The following SLC44A5 variants were observed in gnomAD, a reference collection of about 807,000 sequenced individuals.
The protein encoded by SLC44A5 is choline transporter-like protein 5.
In SLC44A5, 57 loss-of-function variants were observed where a neutral mutation model predicts 101.8. The ratio of observed to expected loss-of-function variants is 0.56; its 90% CI spans 0.45 to 0.70. SLC44A5 has a LOEUF of 0.70. SLC44A5 is among the 30% of genes least tolerant of loss of function. SLC44A5 has a pLI of 0.00. For missense variants in SLC44A5, 737 were observed against 853.1 expected (o/e 0.86, Z 1.70); for synonymous variants, 281 against 290.9 (o/e 0.97, Z 0.35).
chr1:75,409,439 A>T (rs1022575984), intron 2 of SLC44A5, among the ~76,000 whole-genome samples: 1 of 152,212 alleles, frequency 6.6e-6, no homozygotes, highest in Non-Finnish European at 1.5e-5. Context: ...AAGAAAGGTG[A>T]TTGATTCAGA....
At chr1:75,698,711 CAGG>C in the SLC44A5 span, among the ~76,000 whole-genome samples, 1 of 152,082 alleles carries the variant, frequency 6.6e-6, no homozygotes, top group Admixed American at 6.5e-5. Context: ...CTCCGAGCTA[CAGG>C]AGGACACTCA....
chr1:75,618,702 C>T, the SLC44A5 span, among the ~76,000 whole-genome samples: 1 of 152,150 alleles, frequency 6.6e-6, no homozygotes. Context: ...TAAGATGTTA[C>T]TATACTGAAT....
intron 1 of SLC44A5, among the ~76,000 whole-genome samples, chr1:75,579,979 C>A (rs1372900429): frequency 1.3e-5 from 2 of 151,960 alleles, no homozygotes; most frequent in Non-Finnish European, 2.9e-5. Context: ...ATGTAAGGAG[C>A]AAGCATAGTA....
chr1:75,357,581 A>G (rs1189032676), intron 3 of SLC44A5, among the ~76,000 whole-genome samples: 1 of 152,170 alleles, frequency 6.6e-6, no homozygotes, highest in African/African-American at 2.4e-5. Context: ...TGAGGGAAAG[A>G]CAGCTCATAT....
At chr1:75,217,755 A>G in intron 18 of SLC44A5, 111 bp downstream of exon 18, 4 of 731,620 alleles carry the variant, frequency 5.5e-6, no homozygotes, top group South Asian at 3.1e-5. Context: ...ACGGGTCCCA[A>G]ATATGCCCTT....
In SLC44A5 at chr1:75,211,161, ATCTC is replaced by A. The variant is rs376275193; in HGVS notation, c.2047+303_2047+306del. Among the ~76,000 whole-genome samples the A allele has an allele frequency of 5.3e-5, 8 of 152,160 alleles. No homozygotes were observed. The South Asian group carries it at 1.7e-3, about 32-fold the overall frequency. On this transcript the variant is annotated intron_variant, in intron 23 of 23. Transcript: ENST00000370859. The stretch of plus-strand genomic sequence containing the variant: ...TGAAAGTTTGTACCCTTTGACCAAC[ATCTC>A]TCTATTTTACTGACCCCTCAATCTC...
chr1:75,534,872 A>G (rs1203007374), intron 2 of SLC44A5, among the ~76,000 whole-genome samples: 2 of 152,210 alleles, frequency 1.3e-5, no homozygotes, highest in Non-Finnish European at 2.9e-5. Context: ...ACTTTAATAT[A>G]ATGACCATTC....
At position 75,532,827 on chromosome 1, in the gene SLC44A5, C is replaced by T. The variant is rs368759106; in HGVS notation, c.13+8608G>A. Among the ~76,000 whole-genome samples, 509 of 152,170 alleles carry T rather than the reference C, an allele frequency of 3.3e-3. 7 individuals carry two copies. Among genetic ancestry groups the T allele is most frequent in the African/African-American group, 0.012 (492 of 41,518 alleles). On this transcript the variant is annotated intron_variant, in intron 2 of 23. Transcript: ENST00000370859. ...GGCCAAGGTGGGCAGATAGCCTGAGCTCAAGAGTTCGAGACAAGCCTGGGC... is the reference window on the plus strand; with the variant it reads ...GGCCAAGGTGGGCAGATAGCCTGAGTTCAAGAGTTCGAGACAAGCCTGGGC...
chr1:75,682,913 AAAAC>A, the SLC44A5 span, among the ~76,000 whole-genome samples: 15 of 152,324 alleles, frequency 9.8e-5, no homozygotes, highest in African/African-American at 2.9e-4. Context: ...TAACAAGAAA[AAAAC>A]AAACAACCCC....
At chr1:75,343,223 T>C (rs1247109470) in intron 3 of SLC44A5, among the ~76,000 whole-genome samples, 45 of 152,210 alleles carry the variant, frequency 3.0e-4, no homozygotes, top group Admixed American at 2.9e-3. Flanking sequence ...TCACCAAGTT[T>C]ATTGTCTTGC....
chr1:75,426,920 C>T (rs1026859274), intron 2 of SLC44A5, among the ~76,000 whole-genome samples: 2 of 152,330 alleles, frequency 1.3e-5, no homozygotes. Flanking sequence ...CATCTTTCAG[C>T]GCTGGTGCAG....
At chr1:75,681,533 A>G in the SLC44A5 span, among the ~76,000 whole-genome samples, 1 of 151,562 alleles carries the variant, frequency 6.6e-6, no homozygotes, top group African/African-American at 2.4e-5. Flanking sequence ...TAGATGCAGA[A>G]AAGGCCTTTG....
intron 2 of SLC44A5, among the ~76,000 whole-genome samples, chr1:75,466,097 C>G (rs1666799529): frequency 1.3e-5 from 2 of 152,168 alleles, no homozygotes; most frequent in Admixed American, 1.3e-4. Context: ...ATGCCAATAT[C>G]TCTGATGAAT....
At chr1:75,248,357 A>G (rs1649293454) in intron 7 of SLC44A5, among the ~76,000 whole-genome samples, 2 of 152,136 alleles carry the variant, frequency 1.3e-5, no homozygotes, top group East Asian at 1.9e-4. Context: ...AAAACATTTC[A>G]AAGTGATGTG....
intron 3 of SLC44A5, among the ~76,000 whole-genome samples, chr1:75,395,001 CATAGTACAATATCCT>C (rs1233223812): frequency 2.0e-5 from 3 of 152,018 alleles, no homozygotes; most frequent in Admixed American, 6.6e-5. Context: ...ATGGAAATGG[CATAGTACAATATCCT>C]ATATTGAACC....
chr1:75,521,140 C>G (rs554433511), intron 2 of SLC44A5, among the ~76,000 whole-genome samples: 26 of 152,232 alleles, frequency 1.7e-4, no homozygotes, highest in African/African-American at 6.3e-4. Context: ...AAAACAAAAA[C>G]AGGGGTAGCA....
At chr1:75,600,248 CAGAT>C (rs1173965535) in intron 1 of SLC44A5, among the ~76,000 whole-genome samples, 1 of 151,938 alleles carries the variant, frequency 6.6e-6, no homozygotes, top group Non-Finnish European at 1.5e-5. Context: ...TGCAAGCAGA[CAGAT>C]AAAGATGTCA....
At chr1:75,529,992 G>A (rs1670630968) in intron 2 of SLC44A5, among the ~76,000 whole-genome samples, 1 of 152,080 alleles carries the variant, frequency 6.6e-6, no homozygotes, top group South Asian at 2.1e-4. Flanking sequence ...TGACTCAGGA[G>A]AAAACTTCCT....
intron 2 of SLC44A5, among the ~76,000 whole-genome samples, chr1:75,513,048 G>A (rs1177449557): frequency 3.3e-5 from 5 of 152,142 alleles, no homozygotes; most frequent in Non-Finnish European, 5.9e-5. Flanking sequence ...AGAACCTTGA[G>A]CCTGAGATAA....
Sources: gnomAD v4.1 joint callset for allele counts (sites outside exome capture counted in the v4.1 genomes callset) on GRCh38, gnomAD v4.1.1 for gene constraint, MANE v1.5 for transcripts, NCBI Gene and HGNC (gene_info 2026-07-23, HGNC 2026-07-21) for gene names.